Variants in AATF observed in about 807,000 individuals in gnomAD.
AATF encodes protein AATF.
In AATF, 48 loss-of-function variants were observed where a neutral mutation model predicts 63.7. The ratio of observed to expected loss-of-function variants is 0.75; its 90% CI spans 0.60 to 0.96. The LOEUF (loss-of-function observed/expected upper bound fraction) is 0.96, where lower values mean the gene tolerates loss of function less well. AATF is among the 40% of genes least tolerant of loss of function. AATF has a pLI of 0.00. For missense variants in AATF, 639 were observed against 685.7 expected, an observed-to-expected ratio of 0.93 and a Z score of 0.76; for synonymous variants, 258 against 247.7, an observed-to-expected ratio of 1.04 and a Z score of -0.39.
intron 11 of AATF, among the ~76,000 whole-genome samples, chr17:37,036,117 A>G (rs1339950841): frequency 6.6e-6 from 1 of 152,164 alleles, no homozygotes; most frequent in Admixed American, 6.5e-5. Flanking sequence ...AATACATGAA[A>G]CAAAATGTTC....
At chr17:37,005,540 A>G (rs1039723425) in intron 8 of AATF, among the ~76,000 whole-genome samples, 3 of 152,196 alleles carry the variant, frequency 2.0e-5, no homozygotes, top group African/African-American at 7.2e-5. Context: ...AGTTAGTACT[A>G]CCCTTTCAGT....
intron 4 of AATF, among the ~76,000 whole-genome samples, chr17:36,966,899 CT>C (rs1315435055): frequency 1.3e-5 from 2 of 152,124 alleles, no homozygotes; most frequent in African/African-American, 4.8e-5. Flanking sequence ...CCACTGTGCC[CT>C]CATTTTAAAA....
At chr17:37,022,641 A>G (rs1472313858) in intron 10 of AATF, among the ~76,000 whole-genome samples, 1 of 152,196 alleles carries the variant, frequency 6.6e-6, no homozygotes, top group Non-Finnish European at 1.5e-5. Context: ...CAGCTTTGAC[A>G]TTGATTAGTA....
At chr17:37,024,139 C>A (rs1339713707) in intron 10 of AATF, among the ~76,000 whole-genome samples, 1 of 152,104 alleles carries the variant, frequency 6.6e-6, no homozygotes, top group African/African-American at 2.4e-5. Context: ...ATCAGAGAGC[C>A]AACTAGTCTG....
intron 4 of AATF, among the ~76,000 whole-genome samples, chr17:36,979,014 C>T (rs1015383511): frequency 2.6e-5 from 4 of 152,004 alleles, no homozygotes; most frequent in African/African-American, 9.7e-5. Flanking sequence ...AATAATCACT[C>T]ACACAGCTTT....
rs60374815 is a variant in AATF, at chr17:37,048,363, CTTTTTTTT to C, written c.1620-8219_1620-8212del. On this transcript the variant is annotated intron_variant, in intron 11 of 11. Coordinates refer to ENST00000619387, the MANE Select transcript of AATF (RefSeq NM_012138.4). ...TCTTGGGGAGCTAAGTTTTTCTTTT[CTTTTTTTT>C]TTTTTTTTTTTTTTTTTTAGATGGA... Among the ~76,000 whole-genome samples the C allele has an allele frequency of 3.8e-4, 27 of 70,842 alleles. 1 individual carries two copies. Among genetic ancestry groups the C allele is most frequent in the African/African-American group, 1.1e-3 (18 of 16,260 alleles). 46.5% of individuals were successfully genotyped at this position (70,842 alleles called of 152,430 possible). A position where few individuals can be genotyped will look rare whatever the true frequency, so the allele number is the denominator to read the frequency against.
intron 8 of AATF, among the ~76,000 whole-genome samples, chr17:37,009,333 T>TG (rs1413207133): frequency 1.1e-4 from 16 of 147,110 alleles, no homozygotes; most frequent in African/African-American, 4.1e-4. Context: ...TTAGTAAAGA[T>TG]GGGGTTTCAC....
intron 4 of AATF, among the ~76,000 whole-genome samples, chr17:36,959,379 G>T (rs1264724640): frequency 1.3e-5 from 2 of 152,188 alleles, no homozygotes; most frequent in Non-Finnish European, 2.9e-5. Flanking sequence ...GGAGGCAGAG[G>T]TTACAGTGAG....
chr17:37,013,538 AG>A (rs1490958433), intron 8 of AATF, among the ~76,000 whole-genome samples: 2 of 152,176 alleles, frequency 1.3e-5, no homozygotes, highest in Non-Finnish European at 2.9e-5. Flanking sequence ...AGAGGAGGCT[AG>A]AGGACTGAGG....
rs1463814901 is a variant in AATF, at chr17:36,990,825, G to C, written c.1366G>C (p.Glu456Gln). ...TGCTCATCTGAAGGACTTGGATGAAGAAATCTTTGATGATGATGACTTTTA... is the reference window on the plus strand; with the variant it reads ...TGCTCATCTGAAGGACTTGGATGAACAAATCTTTGATGATGATGACTTTTA... ...ANAHLKDLDE[E>Q]IFDDDDFYHQ... The change falls in exon 8 of 12, where the codon GAA becomes CAA. Residue 456 changes from glutamate to glutamine, a missense_variant. Physicochemically the swap from Glu to Gln is conservative, Grantham distance 29. Coordinates refer to ENST00000619387, the MANE Select transcript of AATF (RefSeq NM_012138.4). 1 of 1,594,106 alleles carries C rather than the reference G, an allele frequency of 6.3e-7. No individual in the cohort carries two copies. The highest frequency in any genetic ancestry group is 8.5e-7 in the Non-Finnish European group (1 of 1,173,376).
chr17:37,014,497 G>A (rs2071415263), intron 8 of AATF, among the ~76,000 whole-genome samples: 1 of 152,098 alleles, frequency 6.6e-6, no homozygotes, highest in African/African-American at 2.4e-5. Context: ...AGCATATTAG[G>A]ACAACAGGTG....
At chr17:37,008,800 A>G (rs1420872296) in intron 8 of AATF, among the ~76,000 whole-genome samples, 1 of 152,176 alleles carries the variant, frequency 6.6e-6, no homozygotes, top group Non-Finnish European at 1.5e-5. Flanking sequence ...GTGAGCTATG[A>G]TCATGCCACT....
chr17:37,038,923 A>G (rs1039170058), intron 11 of AATF, among the ~76,000 whole-genome samples: 1 of 152,204 alleles, frequency 6.6e-6, no homozygotes, highest in Non-Finnish European at 1.5e-5. Flanking sequence ...TGCTTTGTCA[A>G]CATCACTGCC....
intron 9 of AATF, among the ~76,000 whole-genome samples, chr17:37,019,686 C>G (rs1039686686): frequency 1.3e-5 from 2 of 152,130 alleles, no homozygotes; most frequent in African/African-American, 4.8e-5. Flanking sequence ...CCATAATTTG[C>G]AAAAGCATGA....
intron 4 of AATF, among the ~76,000 whole-genome samples, chr17:36,971,174 A>G (rs2071036600): frequency 6.6e-6 from 1 of 152,206 alleles, no homozygotes; most frequent in South Asian, 2.1e-4. Flanking sequence ...CAGATCACAT[A>G]ATTAACAATC....
intron 10 of AATF, among the ~76,000 whole-genome samples, chr17:37,030,787 A>AGTGTGT (rs1303813293): frequency 6.6e-6 from 1 of 152,126 alleles, no homozygotes; most frequent in African/African-American, 2.4e-5. Context: ...AACCAGTGGC[A>AGTGTGT]GTGTGTGTGG....
At chr17:37,003,290 A>G (rs2071316053) in intron 8 of AATF, among the ~76,000 whole-genome samples, 2 of 152,026 alleles carry the variant, frequency 1.3e-5, no homozygotes, top group South Asian at 2.1e-4. Context: ...CTTCCCTCAC[A>G]CCTACACAAA....
intron 10 of AATF, among the ~76,000 whole-genome samples, chr17:37,027,796 C>T (rs974087369): frequency 1.3e-5 from 2 of 152,054 alleles, no homozygotes; most frequent in Non-Finnish European, 2.9e-5. Flanking sequence ...TTCAAATGCA[C>T]AGTAACCACG....
rs73286020 is a variant in AATF at position 37,019,836 on chromosome 17, T to G, written c.1466+764T>G. 1.5e-3 allele frequency among the ~76,000 whole-genome samples: 228 copies of G among 152,338 alleles called. 1 individual carries two copies. Among genetic ancestry groups the G allele is most frequent in the African/African-American group, 5.3e-3 (222 of 41,576 alleles). On this transcript the variant is annotated intron_variant, in intron 9 of 11. Transcript: ENST00000619387. ...AATTTTAGGGTAGGATGTTGATATTTCGTTTATCTCTGGAATGTTATAGAG... is the reference window on the plus strand; with the variant it reads ...AATTTTAGGGTAGGATGTTGATATTGCGTTTATCTCTGGAATGTTATAGAG...
Sources: allele counts gnomAD v4.1 joint callset (sites outside exome capture counted in the v4.1 genomes callset), GRCh38; gene constraint gnomAD v4.1.1; transcripts MANE v1.5; gene names NCBI Gene and HGNC (gene_info 2026-07-23, HGNC 2026-07-21).